The following ADAD1 variants were observed in gnomAD, a reference collection of about 807,000 sequenced individuals.
The protein encoded by ADAD1 is adenosine deaminase domain-containing protein 1.
In ADAD1, 46 loss-of-function variants were observed where a neutral mutation model predicts 66.8. That is an observed-to-expected ratio of 0.69 (90% CI 0.54 to 0.88). ADAD1 has a LOEUF of 0.88. Ranked by LOEUF, ADAD1 falls within the 40% of genes least tolerant of loss-of-function variation. ADAD1 has a pLI of 0.00. For synonymous variants in ADAD1, 248 were observed against 229.4 expected, an observed-to-expected ratio of 1.08 and a Z score of -0.73; for missense variants, 617 against 681.8, an observed-to-expected ratio of 0.91 and a Z score of 1.06.
chr4:122,421,973 T>C (rs1214993172), intron 12 of ADAD1, among the ~76,000 whole-genome samples: 1 of 152,142 alleles, frequency 6.6e-6, no homozygotes, highest in Non-Finnish European at 1.5e-5. Context: ...TATTCAAAGT[T>C]AATACTCAGT....
intron 3 of ADAD1, 150 bp from the exon 4 acceptor site, chr4:122,380,842 G>C: frequency 1.4e-6 from 1 of 706,550 alleles, no homozygotes; most frequent in African/African-American, 1.9e-5. Flanking sequence ...TGCTTGTCAT[G>C]TGTGCCAAAA....
intron 6 of ADAD1, among the ~76,000 whole-genome samples, chr4:122,394,687 C>G (rs1795614565): frequency 6.6e-6 from 1 of 152,176 alleles, no homozygotes; most frequent in Non-Finnish European, 1.5e-5. Context: ...GCAGTGATCT[C>G]TTAATATGGG....
chr4:122,387,972 G>T (rs1001220716), intron 5 of ADAD1, among the ~76,000 whole-genome samples: 3 of 152,064 alleles, frequency 2.0e-5, no homozygotes, highest in African/African-American at 7.2e-5. Context: ...TGTTAGCCAG[G>T]ATGGTCTTGA....
chr4:122,411,717 A>G (rs1427654460), intron 9 of ADAD1, among the ~76,000 whole-genome samples: 1 of 152,172 alleles, frequency 6.6e-6, no homozygotes, highest in African/African-American at 2.4e-5. Context: ...ATTTGTGTTC[A>G]ACTGGTATGT....
chr4:122,397,449 C>T (rs1421819707), intron 7 of ADAD1, among the ~76,000 whole-genome samples: 1 of 152,094 alleles, frequency 6.6e-6, no homozygotes, highest in Non-Finnish European at 1.5e-5. Flanking sequence ...AGTGACAACC[C>T]AACTTCATGG....
intron 10 of ADAD1, among the ~76,000 whole-genome samples, chr4:122,413,782 T>G (rs991946740): frequency 6.7e-6 from 1 of 150,306 alleles, no homozygotes; most frequent in Non-Finnish European, 1.5e-5. Context: ...GTCAGTCAGT[T>G]TGCTTAGTGG....
Position 122,411,215 on chromosome 4 carries a change from A to G in ADAD1, c.849-7A>G. The stretch of plus-strand genomic sequence containing the variant: ...ATTACTTGACAAAATTATAACATTT[A>G]TTTTAGGTACTTTTATAGACAACTT... On this transcript the variant is annotated splice_region_variant and splice_polypyrimidine_tract_variant and intron_variant, in intron 8 of 12. Transcript: ENST00000296513. 1 of 1,578,396 alleles carries G rather than the reference A, an allele frequency of 6.3e-7. No homozygotes were observed. The highest frequency in any genetic ancestry group is 8.6e-7 in the Non-Finnish European group (1 of 1,165,036).
intron 7 of ADAD1, among the ~76,000 whole-genome samples, chr4:122,401,324 TAATTTTCA>T (rs1795968086): frequency 6.6e-6 from 1 of 152,180 alleles, no homozygotes; most frequent in South Asian, 2.1e-4. Flanking sequence ...CTTTTGGAGT[TAATTTTCA>T]AATTTATTCC....
intron 11 of ADAD1, among the ~76,000 whole-genome samples, chr4:122,415,938 A>G (rs990404830): frequency 6.6e-6 from 1 of 152,172 alleles, no homozygotes; most frequent in Non-Finnish European, 1.5e-5. Flanking sequence ...TCATATCATT[A>G]GTATTAGAAT....
chr4:122,408,080 C>A, intron 8 of ADAD1, 49 bp downstream of exon 8: 2 of 1,540,846 alleles, frequency 1.3e-6, no homozygotes, highest in South Asian at 2.5e-5. Context: ...GCCCTCAGCC[C>A]AAAGTAACTT....
intron 12 of ADAD1, among the ~76,000 whole-genome samples, chr4:122,422,956 TAAAAAAAAAAAAAA>T (rs537676034): frequency 1.0e-5 from 1 of 97,200 alleles, no homozygotes; most frequent in South Asian, 3.6e-4. Context: ...TATTTCTCTT[TAAAAAAAAAAAAAA>T]AAAAAAAAAG....
intron 6 of ADAD1, 84 bp from the exon 7 acceptor site, chr4:122,396,168 G>T: frequency 8.7e-7 from 1 of 1,154,724 alleles, no homozygotes; most frequent in East Asian, 3.0e-5. Flanking sequence ...TAAATAATTT[G>T]ATTGTAAGGT....
At chr4:122,389,202 T>C (rs1474094185) in intron 5 of ADAD1, among the ~76,000 whole-genome samples, 1 of 152,230 alleles carries the variant, frequency 6.6e-6, no homozygotes, top group African/African-American at 2.4e-5. Context: ...TCCTGAGTTC[T>C]AATTTTATTG....
chr4:122,427,736 A>G (rs1487597563), intron 12 of ADAD1, among the ~76,000 whole-genome samples: 2 of 151,802 alleles, frequency 1.3e-5, no homozygotes, highest in East Asian at 3.9e-4. Context: ...GGGTTTCACC[A>G]TGTTGGCCAG....
Position 122,393,596 on chromosome 4 carries a change from T to A in ADAD1, c.537T>A (p.Pro179=). Residue 179 remains proline (P), a synonymous_variant, in exon 6 of 13, where the codon CCT becomes CCA. Coordinates refer to ENST00000296513, the MANE Select transcript of ADAD1 (RefSeq NM_139243.4). ...TTTTTGTTTTGTTTACAGGTCCTCC[T>A]CCTTTCCCTGCAGAACCTGTTGTTT... The part of the protein sequence containing the change: ...EPRILETSGP[P]PFPAEPVVLS... 1 of 1,596,816 alleles carries A rather than the reference T, an allele frequency of 6.3e-7. No homozygotes were observed. The highest frequency in any genetic ancestry group is 8.5e-7 in the Non-Finnish European group (1 of 1,173,262).
chr4:122,392,524 A>G (rs921850156), intron 5 of ADAD1, among the ~76,000 whole-genome samples: 4 of 152,230 alleles, frequency 2.6e-5, no homozygotes, highest in African/African-American at 9.6e-5. Flanking sequence ...GTAGCCATAA[A>G]TATTGGAACA....
At chr4:122,398,854 T>G (rs1215565572) in intron 7 of ADAD1, among the ~76,000 whole-genome samples, 1 of 152,090 alleles carries the variant, frequency 6.6e-6, no homozygotes, top group Non-Finnish European at 1.5e-5. Flanking sequence ...TTGAGTTCCT[T>G]GTAGACTCTG....
chr4:122,379,603 G>GCGA (rs1794778209), intron 2 of ADAD1, 158 bp downstream of exon 2: 1 of 155,064 alleles, frequency 6.4e-6, no homozygotes, highest in African/African-American at 2.4e-5. Context: ...CAACGGCGGC[G>GCGA]GCGGCCGCCT....
At chr4:122,407,218 A>G (rs1796254967) in intron 7 of ADAD1, among the ~76,000 whole-genome samples, 2 of 149,024 alleles carry the variant, frequency 1.3e-5, no homozygotes, top group South Asian at 4.4e-4. Context: ...GATAGAAAGA[A>G]TGAGGAGTAT....
Sources: gnomAD v4.1 joint callset for allele counts (sites outside exome capture counted in the v4.1 genomes callset) on GRCh38, gnomAD v4.1.1 for gene constraint, MANE v1.5 for transcripts, NCBI Gene and HGNC (gene_info 2026-07-23, HGNC 2026-07-21) for gene names.